DLG2: variants seen among roughly 807,000 people sequenced by gnomAD.
The protein encoded by DLG2 is disks large homolog 2.
In DLG2, 45 loss-of-function variants were observed where a neutral mutation model predicts 132.5. The ratio of observed to expected loss-of-function variants is 0.34; its 90% CI spans 0.27 to 0.44. DLG2 has a LOEUF of 0.44. Among genes scored for constraint, DLG2 ranks in the 20% least tolerant of loss-of-function variants. DLG2 has a pLI of 1.00. For synonymous variants in DLG2, 424 were observed against 419.6 expected, an observed-to-expected ratio of 1.01 and a Z score of -0.13; for missense variants, 1,045 against 1,196.9, an observed-to-expected ratio of 0.87 and a Z score of 1.87.
At chr11:84,717,654 A>G (rs1596414225) in intron 6 of DLG2, among the ~76,000 whole-genome samples, 1 of 152,206 alleles carries the variant, frequency 6.6e-6, no homozygotes, top group East Asian at 1.9e-4. Context: ...AACTTTGGGA[A>G]AAGTAATGAT....
intron 6 of DLG2, among the ~76,000 whole-genome samples, chr11:84,970,995 T>C (rs775587142): frequency 6.6e-6 from 1 of 152,190 alleles, no homozygotes; most frequent in Non-Finnish European, 1.5e-5. Flanking sequence ...GATTTTAAAT[T>C]ACTTGGGGTA....
chr11:84,325,171 G>A (rs2098424335), intron 7 of DLG2, among the ~76,000 whole-genome samples: 1 of 151,880 alleles, frequency 6.6e-6, no homozygotes, highest in Admixed American at 6.6e-5. Context: ...TTTTTATATT[G>A]TAAGGTAATT....
intron 9 of DLG2, among the ~76,000 whole-genome samples, chr11:84,156,961 C>T (rs1038496037): frequency 1.3e-5 from 2 of 151,974 alleles, no homozygotes; most frequent in African/African-American, 4.8e-5. Context: ...TTTGAAAATT[C>T]CTAATTTCTA....
At chr11:85,470,938 C>T (rs563243769) in intron 3 of DLG2, among the ~76,000 whole-genome samples, 15 of 152,112 alleles carry the variant, frequency 9.9e-5, no homozygotes, top group South Asian at 2.1e-4. Flanking sequence ...TAAATCCAGA[C>T]GCAACTGTCT....
At chr11:85,502,146 T>A (rs950571049) in intron 3 of DLG2, among the ~76,000 whole-genome samples, 3 of 151,954 alleles carry the variant, frequency 2.0e-5, no homozygotes, top group Non-Finnish European at 4.4e-5. Flanking sequence ...GAAACCATCA[T>A]TCTCAGCAAA....
At chr11:85,487,202 GA>G (rs1226003497) in intron 3 of DLG2, among the ~76,000 whole-genome samples, 2 of 151,832 alleles carry the variant, frequency 1.3e-5, no homozygotes, top group Non-Finnish European at 2.9e-5. Flanking sequence ...AAAATTGGAA[GA>G]AGTGACTATT....
At chr11:83,682,587 C>T (rs550528265) in intron 18 of DLG2, among the ~76,000 whole-genome samples, 2 of 152,216 alleles carry the variant, frequency 1.3e-5, no homozygotes, top group African/African-American at 2.4e-5. Context: ...TAGGCAAAGA[C>T]AACAAAATGT....
chr11:83,935,382 G>T (rs1307541838), intron 14 of DLG2, among the ~76,000 whole-genome samples: 2 of 152,124 alleles, frequency 1.3e-5, no homozygotes, highest in Non-Finnish European at 2.9e-5. Context: ...GTAATTAGGG[G>T]ATAAAAGAGA....
chr11:83,553,346 G>T (rs1309514157), intron 19 of DLG2, among the ~76,000 whole-genome samples: 3 of 151,768 alleles, frequency 2.0e-5, no homozygotes, highest in Admixed American at 1.3e-4. Context: ...TAACACATAG[G>T]GTACATCTTA....
At chr11:85,022,295 A>T (rs2060146378) in intron 6 of DLG2, among the ~76,000 whole-genome samples, 1 of 152,050 alleles carries the variant, frequency 6.6e-6, no homozygotes, top group South Asian at 2.1e-4. Context: ...AGAGCACAAA[A>T]AACTGGTAAG....
intron 11 of DLG2, among the ~76,000 whole-genome samples, chr11:84,048,215 A>C (rs1483363268): frequency 2.6e-5 from 4 of 151,550 alleles, no homozygotes; most frequent in Non-Finnish European, 4.4e-5. Context: ...ATTTAGCTAC[A>C]ATTTATTTCT....
At chr11:84,701,990 G>T in intron 6 of DLG2, among the ~76,000 whole-genome samples, 1 of 151,462 alleles carries the variant, frequency 6.6e-6, no homozygotes, top group East Asian at 1.9e-4. Flanking sequence ...CAAATCCCAT[G>T]TTTTTCTCAA....
chr11:83,941,351 G>C (rs1053586316), intron 14 of DLG2, among the ~76,000 whole-genome samples: 2 of 137,092 alleles, frequency 1.5e-5, no homozygotes, highest in African/African-American at 5.0e-5. Flanking sequence ...TCTCCCTTTA[G>C]TTTGCTATGT....
chr11:85,061,542 A>G (rs2064135492), intron 6 of DLG2, among the ~76,000 whole-genome samples: 1 of 151,812 alleles, frequency 6.6e-6, no homozygotes, highest in African/African-American at 2.4e-5. Context: ...TCAAGGCTCA[A>G]AAAAATAATG....
At chr11:84,763,062 A>T (rs1344244091) in intron 6 of DLG2, among the ~76,000 whole-genome samples, 1 of 152,148 alleles carries the variant, frequency 6.6e-6, no homozygotes, top group African/African-American at 2.4e-5. Flanking sequence ...TTGTGCCCAC[A>T]CCATTATTTG....
intron 3 of DLG2, among the ~76,000 whole-genome samples, chr11:85,416,982 G>A (rs778721153): frequency 3.9e-5 from 6 of 152,068 alleles, no homozygotes; most frequent in East Asian, 1.9e-4. Context: ...ATACTATATC[G>A]AATAGGAGTG....
chr11:85,095,749 C>T (rs936556727), intron 6 of DLG2, among the ~76,000 whole-genome samples: 1 of 152,342 alleles, frequency 6.6e-6, no homozygotes, highest in Non-Finnish European at 1.5e-5. Flanking sequence ...AATGACACTT[C>T]TGCACACAGT....
At chr11:83,979,224 C>A (rs939864962) in intron 12 of DLG2, among the ~76,000 whole-genome samples, 7 of 151,976 alleles carry the variant, frequency 4.6e-5, no homozygotes, top group African/African-American at 1.7e-4. Flanking sequence ...GGGAAGTAGG[C>A]AAATAAATAT....
intron 18 of DLG2, among the ~76,000 whole-genome samples, chr11:83,720,019 G>A (rs993040656): frequency 6.6e-6 from 1 of 151,894 alleles, no homozygotes; most frequent in Non-Finnish European, 1.5e-5. Flanking sequence ...TCAGCCGGGC[G>A]CAGTGGCTCA....
Sources: gnomAD v4.1 joint callset for allele counts (sites outside exome capture counted in the v4.1 genomes callset) on GRCh38, gnomAD v4.1.1 for gene constraint, MANE v1.5 for transcripts, NCBI Gene and HGNC (gene_info 2026-07-23, HGNC 2026-07-21) for gene names.